Variants in AASS observed in about 807,000 individuals in gnomAD.
AASS encodes the protein alpha-aminoadipic semialdehyde synthase, mitochondrial.
In AASS, 86 loss-of-function variants were observed where a neutral mutation model predicts 105.4. The observed-to-expected ratio is 0.82, with a 90% CI of 0.69 to 0.98. AASS has a LOEUF of 0.98. Ranked by LOEUF, AASS falls within the 50% of genes least tolerant of loss-of-function variation. The pLI, the probability that AASS is intolerant of heterozygous loss-of-function variation, is 0.00. For synonymous variants in AASS, 381 were observed against 394.8 expected, an observed-to-expected ratio of 0.96 and a Z score of 0.41; for missense variants, 1,048 against 1,143.2, an observed-to-expected ratio of 0.92 and a Z score of 1.20.
chr7:122,121,599 GC>G (rs1795442483), intron 4 of AASS, among the ~76,000 whole-genome samples: 1 of 152,062 alleles, frequency 6.6e-6, no homozygotes, highest in African/African-American at 2.4e-5. Flanking sequence ...TTCATCGTGT[GC>G]CCAGGCTGGT....
chr7:122,140,485 CAAAA>C (rs57828681), intron 1 of AASS, among the ~76,000 whole-genome samples: 13 of 37,336 alleles, frequency 3.5e-4, no homozygotes, highest in South Asian at 3.3e-3. Context: ...GACTCAGTCT[CAAAA>C]AAAAAAAAAA....
chr7:122,141,658 CAAAAAAAAAAAA>C (rs67469054), intron 1 of AASS, among the ~76,000 whole-genome samples: 2 of 94,634 alleles, frequency 2.1e-5, no homozygotes, highest in South Asian at 3.8e-4. Context: ...CCTAACCCTG[CAAAAAAAAAAAA>C]AAAAAAAAAA....
chr7:122,081,673 G>A, intron 19 of AASS, 78 bp from the exon 20 acceptor site: 1 of 971,188 alleles, frequency 1.0e-6, no homozygotes, highest in Non-Finnish European at 1.6e-6. Context: ...TGAAAAGAGG[G>A]ATATATCTTT....
At chr7:122,096,220 TTATAAC>T (rs1306990732) in intron 15 of AASS, among the ~76,000 whole-genome samples, 2 of 152,272 alleles carry the variant, frequency 1.3e-5, no homozygotes, top group Middle Eastern at 6.8e-3. Context: ...ATTTGAAAAA[TTATAAC>T]TATGAGAATT....
At chr7:122,128,854 G>A (rs540630706) in intron 3 of AASS, among the ~76,000 whole-genome samples, 24 of 152,200 alleles carry the variant, frequency 1.6e-4, no homozygotes, top group African/African-American at 2.9e-4. Flanking sequence ...TGAGGTGGGC[G>A]GATCACGAGG....
chr7:122,119,221 T>C (rs1795328613), intron 4 of AASS, among the ~76,000 whole-genome samples: 1 of 152,188 alleles, frequency 6.6e-6, no homozygotes, highest in South Asian at 2.1e-4. Context: ...CCTACGTTTC[T>C]GTAGGACCCT....
In AASS at chr7:122,133,712, A is replaced by T; in HGVS notation, c.15T>A (p.His5Gln). 1 of 1,614,144 alleles carries T rather than the reference A, an allele frequency of 6.2e-7. No homozygotes were observed. Among genetic ancestry groups the T allele is most frequent in the South Asian group, 1.1e-5 (1 of 91,086 alleles). ...CCCCCAGCCTGCCCAGTCCAGTCCTATGTACTTGCAGCATCTTGACACCTG... is the reference window on the plus strand; with the variant it reads ...CCCCCAGCCTGCCCAGTCCAGTCCTTTGTACTTGCAGCATCTTGACACCTG... MLQVHRTGLGRLGVS... is the reference protein window; with the variant it reads MLQVQRTGLGRLGVS... The change falls in exon 2 of 24, where the codon CAT becomes CAA. Residue 5 changes from histidine to glutamine, a missense_variant. Physicochemically the swap from His to Gln is conservative, Grantham distance 24. Coordinates refer to ENST00000417368, the MANE Select transcript of AASS (RefSeq NM_005763.4).
intron 19 of AASS, 110 bp from the exon 20 acceptor site, chr7:122,081,705 T>C: frequency 1.3e-6 from 1 of 774,674 alleles, no homozygotes; most frequent in Non-Finnish European, 2.2e-6. Context: ...AGAAAACTGT[T>C]TATATTGATG....
Position 122,113,612 on chromosome 7 carries a change from A to G in AASS, c.1152T>C (p.His384=). The G allele has an allele frequency of 6.2e-7, 1 of 1,613,702 alleles. No homozygotes were observed. Among genetic ancestry groups the G allele is most frequent in the Non-Finnish European group, 8.5e-7 (1 of 1,179,924 alleles). ...AGCAAACTCACCTGTCATGAATAATATGCTGGTCTGCATCATACATGCAAA... is the reference window on the plus strand; with the variant it reads ...AGCAAACTCACCTGTCATGAATAATGTGCTGGTCTGCATCATACATGCAAA... ...HPFCMYDADQ[H]IIHDSVEGSG... Residue 384 remains histidine (H), a synonymous_variant, in exon 10 of 24, where the codon CAT becomes CAC. Transcript: ENST00000417368.
chr7:122,116,783 G>C, intron 7 of AASS, 23 bp from the exon 8 acceptor site: 1 of 1,613,854 alleles, frequency 6.2e-7, no homozygotes, highest in Non-Finnish European at 8.5e-7. Flanking sequence ...AAAGAAATTA[G>C]TAAAGTGGGT....
intron 3 of AASS, among the ~76,000 whole-genome samples, chr7:122,129,033 G>A (rs1377216517): frequency 2.6e-5 from 4 of 152,080 alleles, no homozygotes; most frequent in African/African-American, 9.7e-5. Flanking sequence ...AGCCAAGATT[G>A]TGCCACTGCA....
chr7:122,107,402 A>C (rs886909594), intron 11 of AASS, among the ~76,000 whole-genome samples: 3 of 152,138 alleles, frequency 2.0e-5, no homozygotes, highest in Non-Finnish European at 2.9e-5. Context: ...TACCCAAAGG[A>C]ATATAAAATG....
chr7:122,081,556 G>A lies in AASS; in HGVS notation c.2224C>T (p.Leu742Phe), dbSNP rs758445857. 2.5e-6 allele frequency: 4 copies of A among 1,613,738 alleles called. No homozygotes were observed. Among genetic ancestry groups the A allele is most frequent in the Non-Finnish European group, 3.4e-6 (4 of 1,179,824 alleles). ...KALNGFVKLGLINREALPAFR... is the reference protein window; with the variant it reads ...KALNGFVKLGFINREALPAFR... The stretch of plus-strand genomic sequence containing the variant: ...GCAGGAAGCGCTTCTCTGTTTATAA[G>A]ACCTAATTTTACAAATCCATTCAAA... Residue 742 changes from leucine (L) to phenylalanine (F), a missense_variant, in exon 20 of 24, where the codon CTT becomes TTT. By Grantham distance (22) the Leu-to-Phe change is conservative (BLOSUM62 0). Coordinates refer to ENST00000417368, the MANE Select transcript of AASS (RefSeq NM_005763.4).
intron 18 of AASS, among the ~76,000 whole-genome samples, chr7:122,091,395 A>G (rs1433972845): frequency 6.6e-6 from 1 of 152,158 alleles, no homozygotes; most frequent in Non-Finnish European, 1.5e-5. Context: ...AGGTACTCAG[A>G]AAATGTTTGT....
At chr7:122,111,542 T>C (rs1187627644) in intron 11 of AASS, among the ~76,000 whole-genome samples, 1 of 152,250 alleles carries the variant, frequency 6.6e-6, no homozygotes, top group Admixed American at 6.5e-5. Context: ...GTATTTTTTA[T>C]ATACATACAG....
chr7:122,076,342 T>G lies in AASS; in HGVS notation c.*147A>C, dbSNP rs1793006455. On this transcript the variant is annotated 3_prime_UTR_variant, in exon 24 of 24. Coordinates refer to ENST00000417368, the MANE Select transcript of AASS (RefSeq NM_005763.4). ...TGTTCCAAACATTTCCATATTAAAA[T>G]AAAGATTTATAGTTCAAAAAGTACA... 1.5e-6 allele frequency: 1 copy of G among 660,326 alleles called. No homozygotes were observed. The highest frequency in any genetic ancestry group is 1.8e-5 in the African/African-American group (1 of 55,324). The allele number at this position is 660,326 out of a possible 1,614,324, so 40.9% of individuals were successfully genotyped here.
rs547162581 is a variant in AASS at position 122,117,789 on chromosome 7, G to A, written c.687+518C>T. ...TCCTGCTTCAGCCTCCTTAGTAGCC[G>A]GGATTATGGGTGTGCGTCACCATGC... On this transcript the variant is annotated intron_variant, in intron 6 of 23. Transcript: ENST00000417368. Among the ~76,000 whole-genome samples the A allele has an allele frequency of 9.2e-5, 14 of 151,962 alleles. 1 individual carries two copies. In the East Asian group the frequency reaches 1.9e-3, roughly 21 times the overall value.
intron 11 of AASS, among the ~76,000 whole-genome samples, chr7:122,104,641 T>C (rs1156759443): frequency 6.6e-6 from 1 of 152,066 alleles, no homozygotes; most frequent in African/African-American, 2.4e-5. Context: ...TGGATGCAGA[T>C]GAAGGCCATT....
chr7:122,128,848 G>A (rs1198846611), intron 3 of AASS, among the ~76,000 whole-genome samples: 1 of 152,158 alleles, frequency 6.6e-6, no homozygotes, highest in African/African-American at 2.4e-5. Context: ...GAAGGCTGAG[G>A]TGGGCGGATC....
Sources: gnomAD v4.1 joint callset for allele counts (sites outside exome capture counted in the v4.1 genomes callset) on GRCh38, gnomAD v4.1.1 for gene constraint, MANE v1.5 for transcripts, NCBI Gene and HGNC (gene_info 2026-07-23, HGNC 2026-07-21) for gene names.